Variants in VPS13C observed in about 807,000 individuals in gnomAD.
VPS13C encodes vacuolar protein sorting 13 homolog C, also known as intermembrane lipid transfer protein VPS13C.
VPS13C carries 358 observed loss-of-function variants against 456.8 expected under a neutral mutation model. The observed-to-expected ratio is 0.78, with a 90% CI of 0.72 to 0.86. VPS13C has a LOEUF of 0.86. VPS13C is among the 40% of genes least tolerant of loss of function. The probability of loss-of-function intolerance (pLI) is 0.00; values close to 1 mark genes in which losing one functional copy is unlikely to be tolerated. For synonymous variants in VPS13C, 1,578 were observed against 1,486.7 expected (o/e 1.06, Z -1.41); for missense variants, 4,818 against 4,385.4 (o/e 1.10, Z -2.79).
chr15:62,000,456 A>C (rs1157035401), intron 16 of VPS13C, 108 bp downstream of exon 16: 1 of 1,019,658 alleles, frequency 9.8e-7, no homozygotes, highest in Non-Finnish European at 1.4e-6. Flanking sequence ...CTGAGACTAA[A>C]TTAAGCAATA....
Position 61,887,812 on chromosome 15 carries a change from T to C in VPS13C, c.9341+2353A>G, listed in dbSNP as rs557469311. Among the ~76,000 whole-genome samples the C allele has an allele frequency of 1.1e-4, 17 of 152,268 alleles. No homozygotes were observed. In the South Asian group the frequency reaches 2.3e-3, roughly 20 times the overall value. On this transcript the variant is annotated intron_variant, in intron 67 of 84. Coordinates refer to ENST00000644861, the MANE Select transcript of VPS13C (RefSeq NM_020821.3). The stretch of plus-strand genomic sequence containing the variant: ...TTCGGTATAGTGGAGACTTCTTATA[T>C]ACAACACCAAAAGTACAATCCATGA...
chr15:62,060,242 C>T (rs1249172230), intron 1 of VPS13C, 33 bp downstream of exon 1: 8 of 1,370,074 alleles, frequency 5.8e-6, no homozygotes, highest in Middle Eastern at 2.0e-4. Flanking sequence ...GCCCTCAGCG[C>T]CCGCAGCCCA....
chr15:62,056,429 C>T (rs2048802410), intron 1 of VPS13C, among the ~76,000 whole-genome samples: 2 of 152,174 alleles, frequency 1.3e-5, no homozygotes, highest in South Asian at 4.1e-4. Flanking sequence ...TCTGTTATGC[C>T]CGGACAGGGC....
chr15:61,984,097 C>T (rs2045965770), intron 19 of VPS13C, 85 bp from the exon 20 acceptor site: 6 of 1,310,984 alleles, frequency 4.6e-6, no homozygotes, highest in South Asian at 2.8e-5. Flanking sequence ...CTTTTAAAAA[C>T]GTCTTTGAGA....
At chr15:61,927,012 C>T (rs1404816758) in intron 52 of VPS13C, 79 bp downstream of exon 52, 8 of 1,241,450 alleles carry the variant, frequency 6.4e-6, no homozygotes, top group Non-Finnish European at 8.0e-6. Flanking sequence ...CCCTGCAGAG[C>T]TCTCATATTC....
chr15:61,983,879 T>C lies in VPS13C; in HGVS notation c.1855A>G (p.Ser619Gly), dbSNP rs1311634020. ...KIKFETNPED[S>G]PADQTLIVQS... ...ACAATCAGAGTCTGGTCAGCAGGAC[T>C]ATCCTCCGGATTGGTTTCAAATTTA... is the stretch of plus-strand genomic sequence containing the variant. Residue 619 changes from serine to glycine, a missense_variant, in exon 20 of 85, where the codon AGT becomes GGT. Physicochemically the swap from Ser to Gly is moderately conservative, Grantham distance 56. This residue lies in a region of VPS13C where 4,552 missense variants were observed against 4,130.6 expected (regional missense o/e 1.10). Coordinates refer to ENST00000644861, the MANE Select transcript of VPS13C (RefSeq NM_020821.3). 1 of 1,614,166 alleles carries C rather than the reference T, an allele frequency of 6.2e-7. No homozygotes were observed. Among genetic ancestry groups the C allele is most frequent in the Admixed American group, 1.7e-5 (1 of 60,022 alleles).
chr15:61,941,553 T>G (rs902942281), intron 46 of VPS13C, among the ~76,000 whole-genome samples: 1 of 152,160 alleles, frequency 6.6e-6, no homozygotes, highest in Non-Finnish European at 1.5e-5. Context: ...AAAAAAATCA[T>G]ATTACATATG....
At chr15:61,898,492 A>G (rs567719136) in intron 66 of VPS13C, among the ~76,000 whole-genome samples, 154 of 152,164 alleles carry the variant, frequency 1.0e-3, no homozygotes, top group African/African-American at 3.6e-3. Context: ...AACAAAGATC[A>G]AAAGAGACAA....
intron 82 of VPS13C, among the ~76,000 whole-genome samples, chr15:61,862,911 ATT>A (rs1338463744): frequency 2.6e-5 from 4 of 152,174 alleles, no homozygotes; most frequent in Non-Finnish European, 5.9e-5. Context: ...TTTTGGGATA[ATT>A]TTATTATCTA....
At chr15:62,013,723 T>A (rs527510065) in intron 10 of VPS13C, among the ~76,000 whole-genome samples, 1 of 152,150 alleles carries the variant, frequency 6.6e-6, no homozygotes, top group East Asian at 1.9e-4. Flanking sequence ...ATTAACTGTA[T>A]CCTGTATCTT....
intron 1 of VPS13C, among the ~76,000 whole-genome samples, chr15:62,057,703 A>T (rs976204435): frequency 3.3e-5 from 5 of 152,252 alleles, no homozygotes; most frequent in African/African-American, 7.2e-5. Context: ...CTAAAAATTT[A>T]AAAATGAGAT....
At chr15:62,025,017 A>T (rs1170937523) in intron 6 of VPS13C, among the ~76,000 whole-genome samples, 1 of 152,098 alleles carries the variant, frequency 6.6e-6, no homozygotes, top group Non-Finnish European at 1.5e-5. Flanking sequence ...GAATTGCATT[A>T]AACAGTGATT....
At chr15:61,903,967 T>C (rs1056494915) in intron 66 of VPS13C, among the ~76,000 whole-genome samples, 2 of 152,112 alleles carry the variant, frequency 1.3e-5, no homozygotes, top group African/African-American at 2.4e-5. Context: ...CCTCTTGCCA[T>C]ATGCAAAAAT....
chr15:61,878,835 A>G (rs1439739228), intron 73 of VPS13C, 89 bp from the exon 74 acceptor site: 12 of 1,404,908 alleles, frequency 8.5e-6, no homozygotes, highest in Non-Finnish European at 1.1e-5. Context: ...CAAACCAAAA[A>G]AAGTCTTTCG....
chr15:61,875,682 G>C (rs1427454593), intron 76 of VPS13C, 50 bp downstream of exon 76: 2 of 1,304,488 alleles, frequency 1.5e-6, no homozygotes, highest in Non-Finnish European at 2.2e-6. Context: ...TTAAAAAATA[G>C]ACCATCCATT....
At position 62,057,031 on chromosome 15, in the gene VPS13C, C is replaced by T. The variant is rs902816234; in HGVS notation, c.100+3244G>A. ...ACCGGTCTCCGCGCATTGGTGGTAGCGGTCCCCCGGGCCCAGCTGTCTTTT... is the reference window on the plus strand; with the variant it reads ...ACCGGTCTCCGCGCATTGGTGGTAGTGGTCCCCCGGGCCCAGCTGTCTTTT... On this transcript the variant is annotated intron_variant, in intron 1 of 84. Coordinates refer to ENST00000644861, the MANE Select transcript of VPS13C (RefSeq NM_020821.3). 8.5e-5 allele frequency among the ~76,000 whole-genome samples: 13 copies of T among 152,136 alleles called. No individual in the cohort carries two copies. In the East Asian group the frequency reaches 1.9e-3, roughly 23 times the overall value.
intron 42 of VPS13C, 41 bp from the exon 43 acceptor site, chr15:61,947,350 G>A: frequency 6.9e-7 from 1 of 1,447,198 alleles, no homozygotes; most frequent in Non-Finnish European, 9.6e-7. Flanking sequence ...AAAGGGAAAA[G>A]ATAATACAAC....
intron 16 of VPS13C, among the ~76,000 whole-genome samples, chr15:62,000,290 G>A (rs200306245): frequency 2.0e-5 from 3 of 152,062 alleles, no homozygotes; most frequent in South Asian, 2.1e-4. Flanking sequence ...ACTTGCACCC[G>A]GGAGGCAGAG....
At chr15:61,980,319 A>G (rs987444184) in intron 22 of VPS13C, among the ~76,000 whole-genome samples, 1 of 152,138 alleles carries the variant, frequency 6.6e-6, no homozygotes, top group African/African-American at 2.4e-5. Context: ...AAGCAAAAGC[A>G]GACTAGTCAA....
Sources: gnomAD v4.1 joint callset for allele counts (sites outside exome capture counted in the v4.1 genomes callset) on GRCh38, gnomAD v4.1.1 for gene constraint, gnomAD v4.1.1 regional missense constraint, MANE v1.5 for transcripts, NCBI Gene and HGNC (gene_info 2026-07-23, HGNC 2026-07-21) for gene names.